Variants in ZNF608 observed in about 807,000 individuals in gnomAD.
ZNF608 encodes the protein zinc finger protein 608.
ZNF608 carries 12 observed loss-of-function variants against 109.0 expected under a neutral mutation model. That is an observed-to-expected ratio of 0.11 (90% CI 0.07 to 0.18). The LOEUF (loss-of-function observed/expected upper bound fraction) is 0.18. Among genes scored for constraint, ZNF608 ranks in the 10% least tolerant of loss-of-function variants. The pLI is 1.00. For synonymous variants in ZNF608, 732 were observed against 717.4 expected (o/e 1.02, Z -0.33); for missense variants, 1,707 against 1,879.3 (o/e 0.91, Z 1.70).
intron 7 of ZNF608, 30 bp downstream of exon 7, chr5:124,643,481 A>G: frequency 6.2e-7 from 1 of 1,607,766 alleles, no homozygotes; most frequent in East Asian, 2.2e-5. Flanking sequence ...AAATCACAGT[A>G]CTTTTAAATA....
intron 3 of ZNF608, among the ~76,000 whole-genome samples, chr5:124,673,173 T>A (rs981315968): frequency 6.6e-6 from 1 of 152,170 alleles, no homozygotes; most frequent in Non-Finnish European, 1.5e-5. Flanking sequence ...TGTGCATCCT[T>A]TCAAATGGAT....
chr5:124,647,093 G>A lies in ZNF608; in HGVS notation c.3291C>T (p.Thr1097=). 6.2e-7 allele frequency: 1 copy of A among 1,614,174 alleles called. No individual in the cohort carries two copies. Among genetic ancestry groups the A allele is most frequent in the Non-Finnish European group, 8.5e-7 (1 of 1,180,026 alleles). The stretch of plus-strand genomic sequence containing the variant: ...CATACTGCTGTCTATAGGCAGGGCT[G>A]GTGGCCATCAGAGACTTCTGGTCCA... ...LYMDQKSLMA[T]SPAYRQQYEK... is the part of the protein sequence containing the mutation. The change falls in exon 5 of 10, where the codon ACC becomes ACT. Residue 1097 remains threonine, a synonymous_variant. Transcript: ENST00000513986.
At position 124,647,541 on chromosome 5, in the gene ZNF608, T is replaced by A; in HGVS notation, c.2843A>T (p.Asp948Val). 3 of 1,614,218 alleles carry A rather than the reference T, an allele frequency of 1.9e-6. No homozygotes were observed. The highest frequency in any genetic ancestry group is 1.1e-5 in the South Asian group (1 of 91,086). Reference protein sequence around the residue: ...AYSDISDAADDGGSDSRSEGM... With the variant: ...AYSDISDAADVGGSDSRSEGM... Reference sequence around the variant, plus strand: ...CTCCGACCTGCTGTCAGAACCACCATCGTCAGCAGCATCAGATATGTCTGA... The same window carrying A: ...CTCCGACCTGCTGTCAGAACCACCAACGTCAGCAGCATCAGATATGTCTGA... Residue 948 changes from aspartate (D) to valine (V), a missense_variant, in exon 5 of 10, where the codon GAT (aspartate) becomes GTT (valine). Physicochemically the swap from Asp to Val is radical, Grantham distance 152. Around this residue, in one of 7 missense-constraint regions of ZNF608, gnomAD observed 1,073 missense variants for 1,133.5 expected, o/e 0.95. Coordinates refer to ENST00000513986, the MANE Select transcript of ZNF608 (RefSeq NM_020747.3).
chr5:124,684,074 T>A (rs1752307255), intron 3 of ZNF608, among the ~76,000 whole-genome samples: 1 of 152,154 alleles, frequency 6.6e-6, no homozygotes, highest in Non-Finnish European at 1.5e-5. Flanking sequence ...TAGAAACAGA[T>A]CTATTTTTGG....
chr5:124,722,609 ACACACACACACG>A (rs776442370), intron 2 of ZNF608, among the ~76,000 whole-genome samples: 3 of 145,668 alleles, frequency 2.1e-5, no homozygotes, highest in East Asian at 2.1e-4. Context: ...ACACACACAC[ACACACACACACG>A]CAAGAAATTC....
In ZNF608 at chr5:124,647,729, C is replaced by T; in HGVS notation, c.2655G>A (p.Lys885=). ...RMASIKAEAD[K]VYTFTDNAPS... ...GAGCGTTGTCTGTGAAAGTGTAAAC[C>T]TTATCGGCCTCAGCTTTGATACTGG... The change falls in exon 5 of 10, where the codon AAG becomes AAA. Residue 885 remains lysine (K), a synonymous_variant. Coordinates refer to ENST00000513986, the MANE Select transcript of ZNF608 (RefSeq NM_020747.3). 1 of 1,614,196 alleles carries T rather than the reference C, an allele frequency of 6.2e-7. No homozygotes were observed. The highest frequency in any genetic ancestry group is 1.1e-5 in the South Asian group (1 of 91,090).
At position 124,647,278 on chromosome 5, in the gene ZNF608, C is replaced by T. The variant is rs752620501; in HGVS notation, c.3106G>A (p.Glu1036Lys). Residue 1036 changes from glutamate to lysine, a missense_variant, in exon 5 of 10, where the codon GAA becomes AAA. By Grantham distance (56) the Glu-to-Lys change is moderately conservative. Coordinates refer to ENST00000513986, the MANE Select transcript of ZNF608 (RefSeq NM_020747.3). ...QGMKIKKESEEDAEKKDKAEQ... is the reference protein window; with the variant it reads ...QGMKIKKESEKDAEKKDKAEQ... The stretch of plus-strand genomic sequence containing the variant: ...GCCTTGTCTTTCTTTTCAGCATCTT[C>T]CTCAGACTCCTTCTTGATCTTCATT... The T allele has an allele frequency of 6.2e-7, 1 of 1,614,206 alleles. No individual in the cohort carries two copies. The highest frequency in any genetic ancestry group is 1.7e-5 in the Admixed American group (1 of 60,024).
chr5:124,645,638 TCA>T (rs1750463231), intron 5 of ZNF608, among the ~76,000 whole-genome samples: 1 of 151,954 alleles, frequency 6.6e-6, no homozygotes, highest in South Asian at 2.1e-4. Context: ...TTGCAGTGGG[TCA>T]GGATGTCTGA....
At chr5:124,723,136 T>C (rs1754001298) in intron 2 of ZNF608, among the ~76,000 whole-genome samples, 1 of 151,612 alleles carries the variant, frequency 6.6e-6, no homozygotes, top group South Asian at 2.1e-4. Flanking sequence ...GTTCAAGCAA[T>C]TCTCGGTTCT....
chr5:124,682,691 G>A (rs531661784), intron 3 of ZNF608, among the ~76,000 whole-genome samples: 8 of 152,308 alleles, frequency 5.3e-5, no homozygotes, highest in Admixed American at 3.3e-4. Flanking sequence ...AATCAGTGTG[G>A]ATGCACAGAA....
intron 3 of ZNF608, among the ~76,000 whole-genome samples, chr5:124,679,362 CCCTT>C (rs370513006): frequency 5.3e-5 from 8 of 151,516 alleles, no homozygotes; most frequent in Admixed American, 2.0e-4. Flanking sequence ...TCCTTCCCTT[CCCTT>C]CCTTCCTTCC....
intron 3 of ZNF608, among the ~76,000 whole-genome samples, chr5:124,690,040 G>C (rs1752551576): frequency 6.6e-6 from 1 of 152,086 alleles, no homozygotes; most frequent in African/African-American, 2.4e-5. Context: ...ATAATATTCA[G>C]TACTCCCAAG....
At chr5:124,671,125 G>A (rs987271749) in intron 3 of ZNF608, among the ~76,000 whole-genome samples, 1 of 152,140 alleles carries the variant, frequency 6.6e-6, no homozygotes, top group East Asian at 1.9e-4. Flanking sequence ...GCAAAAACAT[G>A]AATACACATG....
chr5:124,740,185 A>C (rs908956318), intron 2 of ZNF608, among the ~76,000 whole-genome samples: 1 of 152,192 alleles, frequency 6.6e-6, no homozygotes, highest in Non-Finnish European at 1.5e-5. Flanking sequence ...TCACACACCA[A>C]AGTCAGAATT....
At position 124,676,559 on chromosome 5, in the gene ZNF608, G is replaced by A. The variant is rs543661214; in HGVS notation, c.1162+24455C>T. On this transcript the variant is annotated intron_variant, in intron 3 of 9. Coordinates refer to ENST00000513986, the MANE Select transcript of ZNF608 (RefSeq NM_020747.3). The stretch of plus-strand genomic sequence containing the variant: ...TACCTAAAATATTTTGTGACGTACC[G>A]TGTTAGCAAAACAAATCTTTAAAAA... Among the ~76,000 whole-genome samples, 12 of 152,062 alleles carry A rather than the reference G, an allele frequency of 7.9e-5. 1 individual carries two copies. In the South Asian group the frequency reaches 1.7e-3, roughly 21 times the overall value.
intron 2 of ZNF608, among the ~76,000 whole-genome samples, chr5:124,705,356 C>A (rs1039042447): frequency 6.6e-6 from 1 of 152,140 alleles, no homozygotes; most frequent in African/African-American, 2.4e-5. Flanking sequence ...GAACCCTGAG[C>A]AAGTTACCGC....
In ZNF608 at chr5:124,649,619, G is replaced by A; in HGVS notation, c.1241C>T (p.Ala414Val). 1 of 1,611,440 alleles carries A rather than the reference G, an allele frequency of 6.2e-7. No homozygotes were observed. Among genetic ancestry groups the A allele is most frequent in the Non-Finnish European group, 8.5e-7 (1 of 1,178,842 alleles). Residue 414 changes from alanine to valine, a missense_variant, in exon 4 of 10, where the codon GCC becomes GTC. By Grantham distance (64) the Ala-to-Val change is moderately conservative (BLOSUM62 0). Around this residue, in one of 7 missense-constraint regions of ZNF608, gnomAD observed 166 missense variants for 204.2 expected, o/e 0.81. Transcript: ENST00000513986. Reference sequence around the variant, plus strand: ...AAGGCCCTGTTCATACCTGGGAGGGGCCCAGTCGTGCTTGGTGCAGTCCAG... The same window carrying A: ...AAGGCCCTGTTCATACCTGGGAGGGACCCAGTCGTGCTTGGTGCAGTCCAG... The part of the protein sequence containing the change: ...TLLDCTKHDW[A>V]PPRFCESPTS...
At chr5:124,663,607 A>G (rs76848196) in intron 3 of ZNF608, among the ~76,000 whole-genome samples, 2,413 of 152,332 alleles carry the variant, frequency 0.016, 38 homozygotes, top group Non-Finnish European at 0.023. Context: ...CAGCCACAAA[A>G]GACTTTGACA....
At chr5:124,701,900 C>T (rs1242801867) in intron 2 of ZNF608, among the ~76,000 whole-genome samples, 1 of 152,168 alleles carries the variant, frequency 6.6e-6, no homozygotes, top group Non-Finnish European at 1.5e-5. Context: ...GAGATAAATG[C>T]ATGTGCCCAA....
Sources: gnomAD v4.1 joint callset for allele counts (sites outside exome capture counted in the v4.1 genomes callset) on GRCh38, gnomAD v4.1.1 for gene constraint, gnomAD v4.1.1 regional missense constraint, MANE v1.5 for transcripts, NCBI Gene and HGNC (gene_info 2026-07-23, HGNC 2026-07-21) for gene names.